Variants in TNIK observed in about 807,000 individuals in gnomAD.
TNIK encodes the protein TRAF2 and NCK-interacting protein kinase.
Under a neutral mutation model 191.3 loss-of-function variants are expected in TNIK, and 49 were observed. The ratio of observed to expected loss-of-function variants is 0.26; its 90% CI spans 0.20 to 0.32. The LOEUF (loss-of-function observed/expected upper bound fraction) is 0.32, where lower values mean the gene tolerates loss of function less well. TNIK is among the 10% of genes least tolerant of loss of function. The pLI, the probability that TNIK is intolerant of heterozygous loss-of-function variation, is 1.00. For missense variants in TNIK, 1,155 were observed against 1,702.3 expected, an observed-to-expected ratio of 0.68 and a Z score of 5.66; for synonymous variants, 594 against 600.9, an observed-to-expected ratio of 0.99 and a Z score of 0.17.
chr3:171,167,017 T>A, intron 10 of TNIK, 78 bp downstream of exon 10: 1 of 1,490,976 alleles, frequency 6.7e-7, no homozygotes, highest in Non-Finnish European at 9.0e-7. Flanking sequence ...ATCCCCATAG[T>A]CACCTCCAAA....
chr3:171,148,760 G>A (rs971437044), intron 12 of TNIK, among the ~76,000 whole-genome samples: 2 of 152,150 alleles, frequency 1.3e-5, no homozygotes, highest in Non-Finnish European at 2.9e-5. Context: ...AGATATGCAG[G>A]GAATTTCAGT....
intron 1 of TNIK, among the ~76,000 whole-genome samples, chr3:171,407,603 T>A (rs1355127415): frequency 6.6e-6 from 1 of 152,152 alleles, no homozygotes. Context: ...CCTCTGCAAA[T>A]CAGCACCAGA....
At chr3:171,273,270 T>C (rs1176944798) in intron 2 of TNIK, among the ~76,000 whole-genome samples, 2 of 151,988 alleles carry the variant, frequency 1.3e-5, no homozygotes, top group East Asian at 3.9e-4. Context: ...AGTCTGGAGG[T>C]TCAATCTGTG....
chr3:171,113,724 A>G (rs968570260), intron 18 of TNIK, among the ~76,000 whole-genome samples: 1 of 152,070 alleles, frequency 6.6e-6, no homozygotes, highest in Non-Finnish European at 1.5e-5. Flanking sequence ...CACCAAAAAA[A>G]GCAGTATTCA....
intron 7 of TNIK, 37 bp from the exon 8 acceptor site, chr3:171,177,417 T>A: frequency 6.3e-7 from 1 of 1,586,640 alleles, no homozygotes; most frequent in Non-Finnish European, 8.6e-7. Flanking sequence ...ATAAATTCAG[T>A]CAACAAAGGA....
Position 171,060,057 on chromosome 3 carries a change from T to G in TNIK, c.*3824A>C, listed in dbSNP as rs1717686857. ...AAAATAATGTAGCACATCTTACATC[T>G]TAAAGCAATCAGCACAAATGCAAGT... is the stretch of plus-strand genomic sequence containing the variant. On this transcript the variant is annotated 3_prime_UTR_variant, in exon 33 of 33. Transcript: ENST00000436636. Among the ~76,000 whole-genome samples, 1 of 152,196 alleles carries G rather than the reference T, an allele frequency of 6.6e-6. No individual in the cohort carries two copies. Among genetic ancestry groups the G allele is most frequent in the Admixed American group, 6.5e-5 (1 of 15,278 alleles).
chr3:171,368,931 C>A (rs1716114147), intron 2 of TNIK, among the ~76,000 whole-genome samples: 1 of 76,342 alleles, frequency 1.3e-5, no homozygotes, highest in African/African-American at 4.1e-5. Flanking sequence ...AGTTCACTTT[C>A]ATTTTTTTTG....
At chr3:171,277,141 C>G (rs1749845304) in intron 2 of TNIK, among the ~76,000 whole-genome samples, 1 of 152,306 alleles carries the variant, frequency 6.6e-6, no homozygotes, top group African/African-American at 2.4e-5. Flanking sequence ...TGTGCATACT[C>G]TCATCCCACG....
At chr3:171,330,172 A>G (rs1055129357) in intron 2 of TNIK, among the ~76,000 whole-genome samples, 2 of 152,230 alleles carry the variant, frequency 1.3e-5, no homozygotes, top group Non-Finnish European at 2.9e-5. Flanking sequence ...GAGAAGGCCT[A>G]GCTGTGCTGG....
intron 1 of TNIK, among the ~76,000 whole-genome samples, chr3:171,393,560 T>C (rs867917570): frequency 5.3e-5 from 8 of 152,318 alleles, no homozygotes; most frequent in Middle Eastern, 3.4e-3. Context: ...CAAACACAGC[T>C]TTCACTATTA....
chr3:171,387,533 C>T (rs1718890780), intron 1 of TNIK, among the ~76,000 whole-genome samples: 1 of 152,090 alleles, frequency 6.6e-6, no homozygotes, highest in Admixed American at 6.6e-5. Flanking sequence ...TCTCATGTGC[C>T]CTTCTCAGTC....
At chr3:171,380,802 G>T (rs1717926226) in intron 1 of TNIK, among the ~76,000 whole-genome samples, 1 of 152,244 alleles carries the variant, frequency 6.6e-6, no homozygotes, top group Non-Finnish European at 1.5e-5. Flanking sequence ...ACTTTTCTAT[G>T]AGTAGGGAAA....
chr3:171,376,777 T>TAGAG (rs1474122366), intron 1 of TNIK, among the ~76,000 whole-genome samples: 2 of 148,772 alleles, frequency 1.3e-5, no homozygotes, highest in African/African-American at 5.2e-5. Flanking sequence ...GATAGATAGA[T>TAGAG]AGATAGATAG....
At chr3:171,170,955 G>T (rs1008211651) in intron 9 of TNIK, among the ~76,000 whole-genome samples, 2 of 152,148 alleles carry the variant, frequency 1.3e-5, no homozygotes, top group Non-Finnish European at 2.9e-5. Context: ...GGGAGGCTGA[G>T]GTGGGAGGAT....
chr3:171,113,995 T>G (rs1042830529), intron 18 of TNIK, among the ~76,000 whole-genome samples: 1 of 63,234 alleles, frequency 1.6e-5, no homozygotes, highest in African/African-American at 7.1e-5. Flanking sequence ...TTTACGATTT[T>G]GTTAAAAAAA....
At chr3:171,384,453 T>G (rs1373912252) in intron 1 of TNIK, among the ~76,000 whole-genome samples, 2 of 152,230 alleles carry the variant, frequency 1.3e-5, no homozygotes, top group Non-Finnish European at 2.9e-5. Flanking sequence ...TGCCCAGACC[T>G]ACTGCATCAG....
intron 1 of TNIK, among the ~76,000 whole-genome samples, chr3:171,445,494 T>G (rs1484668019): frequency 6.6e-6 from 1 of 151,624 alleles, no homozygotes; most frequent in Non-Finnish European, 1.5e-5. Flanking sequence ...AGGATCCCAC[T>G]TTGAGAACTG....
chr3:171,313,856 G>A (rs1754318298), intron 2 of TNIK, among the ~76,000 whole-genome samples: 1 of 152,116 alleles, frequency 6.6e-6, no homozygotes, highest in African/African-American at 2.4e-5. Flanking sequence ...TTTGTGCCAT[G>A]ATCTGAGTGC....
chr3:171,292,963 C>G (rs1177110727), intron 2 of TNIK, among the ~76,000 whole-genome samples: 4 of 152,032 alleles, frequency 2.6e-5, no homozygotes, highest in Non-Finnish European at 5.9e-5. Context: ...ATCACAACTT[C>G]GGCTGCCCTG....
Sources: gnomAD v4.1 joint callset for allele counts (sites outside exome capture counted in the v4.1 genomes callset) on GRCh38, gnomAD v4.1.1 for gene constraint, MANE v1.5 for transcripts, NCBI Gene and HGNC (gene_info 2026-07-23, HGNC 2026-07-21) for gene names.